The following CHL1 variants were observed in gnomAD, a reference collection of about 807,000 sequenced individuals.
CHL1 encodes the protein cell adhesion molecule L1 like, also known as neural cell adhesion molecule L1-like protein.
CHL1 carries 96 observed loss-of-function variants against 141.9 expected under a neutral mutation model. The ratio of observed to expected loss-of-function variants is 0.68; its 90% CI spans 0.57 to 0.80. The LOEUF (loss-of-function observed/expected upper bound fraction) is 0.80. Among genes scored for constraint, CHL1 ranks in the 30% least tolerant of loss-of-function variants. CHL1 has a pLI of 0.00. For missense variants in CHL1, 1,820 were observed against 1,457.2 expected (o/e 1.25, Z -4.05); for synonymous variants, 613 against 502.2 (o/e 1.22, Z -2.95).
intron 2 of CHL1, among the ~76,000 whole-genome samples, chr3:308,302 G>A (rs1022168195): frequency 6.6e-6 from 1 of 152,068 alleles, no homozygotes; most frequent in Non-Finnish European, 1.5e-5. Flanking sequence ...CTAGGCAAGC[G>A]CAAAAATAAT....
chr3:306,057 A>G (rs1699201238), intron 2 of CHL1, among the ~76,000 whole-genome samples: 1 of 152,178 alleles, frequency 6.6e-6, no homozygotes, highest in Admixed American at 6.5e-5. Context: ...AAAATGACAT[A>G]GTAACTGATA....
At chr3:387,235 C>T (rs910680999) in intron 19 of CHL1, among the ~76,000 whole-genome samples, 1 of 152,160 alleles carries the variant, frequency 6.6e-6, no homozygotes, top group African/African-American at 2.4e-5. Context: ...CTAAAGGATA[C>T]ACATGTACCC....
chr3:217,313 T>C (rs760857399), intron 1 of CHL1, among the ~76,000 whole-genome samples: 4 of 152,032 alleles, frequency 2.6e-5, no homozygotes, highest in Non-Finnish European at 5.9e-5. Flanking sequence ...AAGAAGCCAT[T>C]GGTTCATTTA....
chr3:307,768 T>A (rs1457965031), intron 2 of CHL1, among the ~76,000 whole-genome samples: 2 of 151,870 alleles, frequency 1.3e-5, no homozygotes, highest in African/African-American at 4.9e-5. Context: ...GTACATGTAG[T>A]AACCAGTGCT....
At chr3:292,682 T>C (rs182874262) in intron 2 of CHL1, among the ~76,000 whole-genome samples, 6 of 152,336 alleles carry the variant, frequency 3.9e-5, no homozygotes, top group African/African-American at 1.4e-4. Flanking sequence ...TCTACAACCA[T>C]GGCACCGCTC....
chr3:320,235 T>C (rs1700456362), intron 3 of CHL1, among the ~76,000 whole-genome samples: 1 of 151,996 alleles, frequency 6.6e-6, no homozygotes, highest in South Asian at 2.1e-4. Context: ...ATTCAACAAA[T>C]TATGTCGAAA....
chr3:272,967 C>T (rs1224934029), intron 2 of CHL1, among the ~76,000 whole-genome samples: 1 of 152,152 alleles, frequency 6.6e-6, no homozygotes, highest in Non-Finnish European at 1.5e-5. Flanking sequence ...ACCTAGGGAT[C>T]ATTCCTATTA....
Position 391,068 on chromosome 3 carries a change from C to T in CHL1, c.2700C>T (p.Ala900=), listed in dbSNP as rs755805594. Residue 900 remains alanine (A), a synonymous_variant, in exon 22 of 28, where the codon GCC becomes GCT. Coordinates refer to ENST00000256509, the MANE Select transcript of CHL1 (RefSeq NM_006614.4). Reference sequence around the variant, plus strand: ...CTGGAATGGTTCCTTCCTTAGATGCCTTTAGTGAATTTCATTTAACAGTCT... The same window carrying T: ...CTGGAATGGTTCCTTCCTTAGATGCTTTTAGTGAATTTCATTTAACAGTCT... ...RNSGMVPSLD[A]FSEFHLTVLA... 22 of 1,613,578 alleles carry T rather than the reference C, an allele frequency of 1.4e-5. No individual in the cohort carries two copies. Among genetic ancestry groups the T allele is most frequent in the Non-Finnish European group, 1.9e-5 (22 of 1,179,612 alleles).
chr3:281,944 A>G (rs1340750831), intron 2 of CHL1, among the ~76,000 whole-genome samples: 2 of 152,364 alleles, frequency 1.3e-5, no homozygotes, highest in Non-Finnish European at 2.9e-5. Flanking sequence ...ACATAATCAT[A>G]TCATTTCAAA....
chr3:327,400 G>C (rs185830426), intron 4 of CHL1, among the ~76,000 whole-genome samples: 32 of 139,630 alleles, frequency 2.3e-4, no homozygotes, highest in Admixed American at 1.3e-3. Context: ...CTAGCATACT[G>C]GGGTGGGAAT....
At chr3:316,296 A>G (rs543090875) in intron 2 of CHL1, among the ~76,000 whole-genome samples, 2 of 151,988 alleles carry the variant, frequency 1.3e-5, no homozygotes, top group African/African-American at 2.4e-5. Context: ...CTTACCGAGG[A>G]CTCTAGTACC....
In CHL1 at chr3:363,309, A is replaced by T; in HGVS notation, c.1511A>T (p.Asp504Val). 6.2e-7 allele frequency: 1 copy of T among 1,613,832 alleles called. No individual in the cohort carries two copies. Among genetic ancestry groups the T allele is most frequent in the Non-Finnish European group, 8.5e-7 (1 of 1,179,778 alleles). Reference sequence around the variant, plus strand: ...CAGATCAACAGAACCACCGAAGAAGATGCTGGGTCTTACTCATGTTGGGTA... The same window carrying T: ...CAGATCAACAGAACCACCGAAGAAGTTGCTGGGTCTTACTCATGTTGGGTA... The part of the protein sequence containing the change: ...TLQINRTTEE[D>V]AGSYSCWVEN... The change falls in exon 14 of 28, where the codon GAT (aspartate) becomes GTT (valine). Residue 504 changes from aspartate (D) to valine (V), a missense_variant. Coordinates refer to ENST00000256509, the MANE Select transcript of CHL1 (RefSeq NM_006614.4).
intron 19 of CHL1, among the ~76,000 whole-genome samples, chr3:385,423 A>C (rs1707566853): frequency 6.6e-6 from 1 of 152,160 alleles, no homozygotes; most frequent in South Asian, 2.1e-4. Context: ...AAAGGCCAGA[A>C]ATCTTCAGTC....
chr3:271,575 T>G (rs938232687), intron 2 of CHL1, among the ~76,000 whole-genome samples: 3 of 152,246 alleles, frequency 2.0e-5, no homozygotes, highest in African/African-American at 7.2e-5. Flanking sequence ...ATTTGTATAT[T>G]GGAAGCTTTC....
chr3:349,642 A>G, intron 10 of CHL1, 99 bp downstream of exon 10: 1 of 1,033,186 alleles, frequency 9.7e-7, no homozygotes, highest in South Asian at 1.6e-5. Context: ...AAAACAGGTC[A>G]GCAGTTTCAA....
intron 2 of CHL1, among the ~76,000 whole-genome samples, chr3:245,981 G>A (rs992765722): frequency 6.6e-6 from 1 of 152,100 alleles, no homozygotes; most frequent in Non-Finnish European, 1.5e-5. Flanking sequence ...AAAGTCTCTT[G>A]TAACATTAAA....
rs576041468 is a variant in CHL1 at position 301,494 on chromosome 3, C to A, written c.-94-18189C>A. ...GAGCCAGCAGCTATATTTTGAGTAC[C>A]ATTATCCCCACTGAATAATTCAACA... On this transcript the variant is annotated intron_variant, in intron 2 of 27. Transcript: ENST00000256509. Among the ~76,000 whole-genome samples the A allele has an allele frequency of 1.1e-4, 16 of 152,276 alleles. No homozygotes were observed. The East Asian group carries it at 3.1e-3, about 29-fold the overall frequency.
rs570164057 is a variant in CHL1 at position 215,704 on chromosome 3, G to T, written c.-175+18641G>T. Among the ~76,000 whole-genome samples the T allele has an allele frequency of 9.2e-5, 14 of 152,074 alleles. No homozygotes were observed. The South Asian group carries it at 1.5e-3, about 16-fold the overall frequency. On this transcript the variant is annotated intron_variant, in intron 1 of 27. Coordinates refer to ENST00000256509, the MANE Select transcript of CHL1 (RefSeq NM_006614.4). ...ACAATTCAAAAATTGTCATGGGTTTGCTCTTTTTTTTTGCATTACAAAGTG... is the reference window on the plus strand; with the variant it reads ...ACAATTCAAAAATTGTCATGGGTTTTCTCTTTTTTTTTGCATTACAAAGTG...
intron 3 of CHL1, among the ~76,000 whole-genome samples, chr3:321,571 T>C (rs162589): frequency 0.44 from 67,531 of 151,970 alleles, 19,257 homozygotes; most frequent in African/African-American, 0.82. Flanking sequence ...ATTCAGATTT[T>C]TGACCATAAT....
Sources: allele counts gnomAD v4.1 joint callset (sites outside exome capture counted in the v4.1 genomes callset), GRCh38; gene constraint gnomAD v4.1.1; transcripts MANE v1.5; gene names NCBI Gene and HGNC (gene_info 2026-07-23, HGNC 2026-07-21).